CEP57L1: variants seen among roughly 807,000 people sequenced by gnomAD.
CEP57L1 encodes centrosomal protein CEP57L1.
Under a neutral mutation model 61.0 loss-of-function variants are expected in CEP57L1, and 37 were observed. The observed-to-expected ratio is 0.61, with a 90% CI of 0.47 to 0.80. The LOEUF (loss-of-function observed/expected upper bound fraction) is 0.80. Among genes scored for constraint, CEP57L1 ranks in the 30% least tolerant of loss-of-function variants. The pLI is 0.00. For synonymous variants in CEP57L1, 137 were observed against 162.3 expected, an observed-to-expected ratio of 0.84 and a Z score of 1.19; for missense variants, 422 against 524.7, an observed-to-expected ratio of 0.80 and a Z score of 1.91.
At chr6:109,133,630 G>C (rs1179820406) in intron 1 of CEP57L1, among the ~76,000 whole-genome samples, 1 of 152,114 alleles carries the variant, frequency 6.6e-6, no homozygotes, top group African/African-American at 2.4e-5. Flanking sequence ...CCAGGAGCTG[G>C]TGTTTTGAAA....
chr6:109,132,990 C>T (rs1476941247), intron 1 of CEP57L1, among the ~76,000 whole-genome samples: 9 of 152,016 alleles, frequency 5.9e-5, no homozygotes, highest in Non-Finnish European at 1.0e-4. Context: ...GAGTACTAGT[C>T]CCTGGTAAAT....
At chr6:109,097,054 A>G (rs575235547) in intron 1 of CEP57L1, among the ~76,000 whole-genome samples, 6 of 152,326 alleles carry the variant, frequency 3.9e-5, no homozygotes, top group African/African-American at 1.4e-4. Flanking sequence ...TCTCTTATGA[A>G]TCTAATTCTT....
In CEP57L1 at chr6:109,173,872, G is replaced by A. The variant is rs906797502; in HGVS notation, c.*10902G>A. ...CCAGCACTTTGGGAGGCAAAGGAAGGTGGATCACTTGAGGTCAGGAGTTTG... is the reference window on the plus strand; with the variant it reads ...CCAGCACTTTGGGAGGCAAAGGAAGATGGATCACTTGAGGTCAGGAGTTTG... On this transcript the variant is annotated 3_prime_UTR_variant, in exon 11 of 11. Transcript: ENST00000517392. 6.6e-6 allele frequency among the ~76,000 whole-genome samples: 1 copy of A among 151,886 alleles called. No individual in the cohort carries two copies. The highest frequency in any genetic ancestry group is 1.5e-5 in the Non-Finnish European group (1 of 68,004).
chr6:109,167,681 CAAAAA>C lies in CEP57L1; in HGVS notation c.*4718_*4722del, dbSNP rs573024481. ...AACAGAGCAAGACTCTGCCTCAAAG[CAAAAA>C]AAAAAAGAAAAGAAAAGAAAAAAGG... On this transcript the variant is annotated 3_prime_UTR_variant, in exon 11 of 11. Coordinates refer to ENST00000517392, the MANE Select transcript of CEP57L1 (RefSeq NM_001271852.3). Among the ~76,000 whole-genome samples, 1 of 127,184 alleles carries C rather than the reference CAAAAA, an allele frequency of 7.9e-6. No individual in the cohort carries two copies. Among genetic ancestry groups the C allele is most frequent in the Non-Finnish European group, 1.7e-5 (1 of 59,114 alleles). The allele number at this position is 127,184 out of a possible 152,430, so 83.4% of individuals were successfully genotyped here. A position where few individuals can be genotyped will look rare whatever the true frequency, so the allele number is the denominator to read the frequency against.
chr6:109,158,726 A>G (rs1052957029), intron 7 of CEP57L1: 1 of 498,506 alleles, frequency 2.0e-6, no homozygotes, highest in African/African-American at 2.0e-5. Flanking sequence ...TATGTGAGTG[A>G]TTTTATTTTC....
chr6:109,152,044 A>G (rs1772667508), intron 4 of CEP57L1, among the ~76,000 whole-genome samples: 1 of 152,082 alleles, frequency 6.6e-6, no homozygotes, highest in Non-Finnish European at 1.5e-5. Context: ...TTCAACTATT[A>G]TCCTTCAAAT....
rs766160534 is a variant in CEP57L1 at position 109,171,404 on chromosome 6, GT to G, written c.*8445del. 0.047 allele frequency among the ~76,000 whole-genome samples: 5,725 copies of G among 121,786 alleles called. 216 individuals carry two copies. The highest frequency in any genetic ancestry group is 0.1 in the African/African-American group (3,660 of 36,358). 79.9% of individuals were successfully genotyped at this position (121,786 alleles called of 152,430 possible). ...CAGGCATGCGTCACCACACCCGGCTGTTTTTTTTTTTCGCATTTTTAATAGA... is the reference window on the plus strand; with the variant it reads ...CAGGCATGCGTCACCACACCCGGCTGTTTTTTTTTTCGCATTTTTAATAGA... On this transcript the variant is annotated 3_prime_UTR_variant, in exon 11 of 11. Coordinates refer to ENST00000517392, the MANE Select transcript of CEP57L1 (RefSeq NM_001271852.3).
chr6:109,153,609 A>T (rs533852357), intron 4 of CEP57L1, among the ~76,000 whole-genome samples: 41 of 152,224 alleles, frequency 2.7e-4, no homozygotes, highest in African/African-American at 7.5e-4. Context: ...AATTAAATTT[A>T]AATTTTAAAA....
At chr6:109,108,927 C>T (rs1771247095) in intron 1 of CEP57L1, among the ~76,000 whole-genome samples, 1 of 152,162 alleles carries the variant, frequency 6.6e-6, no homozygotes, top group South Asian at 2.1e-4. Flanking sequence ...ATATACCAGA[C>T]TGATTATTTA....
chr6:109,109,274 T>G (rs1325795419), intron 1 of CEP57L1, among the ~76,000 whole-genome samples: 2 of 152,222 alleles, frequency 1.3e-5, no homozygotes, highest in Admixed American at 1.3e-4. Flanking sequence ...ATTTGGAAAA[T>G]GCATGCTTCA....
intron 1 of CEP57L1, among the ~76,000 whole-genome samples, chr6:109,096,795 CT>C (rs1214610431): frequency 9.2e-5 from 14 of 152,130 alleles, no homozygotes; most frequent in African/African-American, 3.4e-4. Flanking sequence ...TTTTCATCTC[CT>C]TTTTGGGATC....
At chr6:109,108,403 G>T (rs1054389716) in intron 1 of CEP57L1, among the ~76,000 whole-genome samples, 1 of 151,962 alleles carries the variant, frequency 6.6e-6, no homozygotes, top group Non-Finnish European at 1.5e-5. Context: ...GCAGAGACAG[G>T]GTTTCACTAT....
rs752912702 is a variant in CEP57L1 at position 109,169,667 on chromosome 6, A to G, written c.*6697A>G. ...CTTAACAAAATGACCTCATTATGCT[A>G]CCTCTTGGTAAAATCTAACCAAGCA... On this transcript the variant is annotated 3_prime_UTR_variant, in exon 11 of 11. Transcript: ENST00000517392. 7.9e-5 allele frequency among the ~76,000 whole-genome samples: 12 copies of G among 152,202 alleles called. No individual in the cohort carries two copies. The highest frequency in any genetic ancestry group is 1.8e-4 in the Non-Finnish European group (12 of 68,034).
At chr6:109,118,129 G>A (rs1405468779) in intron 1 of CEP57L1, among the ~76,000 whole-genome samples, 1 of 152,156 alleles carries the variant, frequency 6.6e-6, no homozygotes, top group Non-Finnish European at 1.5e-5. Context: ...TCTGCCTCCT[G>A]AGTTCAAGCA....
At chr6:109,116,701 T>C (rs1772353527) in intron 1 of CEP57L1, among the ~76,000 whole-genome samples, 1 of 152,172 alleles carries the variant, frequency 6.6e-6, no homozygotes, top group Admixed American at 6.5e-5. Context: ...GAGTTTTTTC[T>C]AAGTTCTAAA....
intron 1 of CEP57L1, among the ~76,000 whole-genome samples, chr6:109,143,187 C>T (rs749413276): frequency 1.6e-4 from 25 of 152,180 alleles, no homozygotes; most frequent in Admixed American, 6.5e-4. Flanking sequence ...TTAGAACCCA[C>T]ATATGAGTCC....
At chr6:109,128,047 A>G (rs150040414) in intron 1 of CEP57L1, among the ~76,000 whole-genome samples, 1 of 152,254 alleles carries the variant, frequency 6.6e-6, no homozygotes, top group Non-Finnish European at 1.5e-5. Flanking sequence ...CATGCACACA[A>G]TGCACACACT....
intron 1 of CEP57L1, among the ~76,000 whole-genome samples, chr6:109,096,684 C>T (rs1781743497): frequency 6.6e-6 from 1 of 152,168 alleles, no homozygotes; most frequent in Non-Finnish European, 1.5e-5. Context: ...GGTCTAATTT[C>T]AAAAGCCTTG....
chr6:109,106,998 T>C (rs1029235669), intron 1 of CEP57L1, among the ~76,000 whole-genome samples: 6 of 152,106 alleles, frequency 3.9e-5, no homozygotes, highest in Non-Finnish European at 7.3e-5. Context: ...AAGATAAAAT[T>C]CTCCTTAAAT....
Sources: allele counts gnomAD v4.1 joint callset (sites outside exome capture counted in the v4.1 genomes callset), GRCh38; gene constraint gnomAD v4.1.1; transcripts MANE v1.5; gene names NCBI Gene and HGNC (gene_info 2026-07-23, HGNC 2026-07-21).